TSPEAR: variants seen among roughly 807,000 people sequenced by gnomAD.
TSPEAR encodes thrombospondin type laminin G domain and EAR repeats, also known as thrombospondin-type laminin G domain and EAR repeat-containing protein.
A neutral mutation model predicts 71.6 loss-of-function variants in TSPEAR; 69 were observed. The ratio of observed to expected loss-of-function variants is 0.96; its 90% confidence interval spans 0.79 to 1.18. TSPEAR has a LOEUF of 1.18. Among genes scored for constraint, TSPEAR ranks in the 50% most tolerant of loss-of-function variants. TSPEAR has a pLI of 0.00. For missense variants in TSPEAR, 971 were observed against 894.9 expected (o/e 1.09, Z -1.09); for synonymous variants, 402 against 387.2 (o/e 1.04, Z -0.45).
chr21:44,588,440 A>C (rs1217396974), intron 1 of TSPEAR, among the ~76,000 whole-genome samples: 1 of 152,152 alleles, frequency 6.6e-6, no homozygotes, highest in African/African-American at 2.4e-5. Flanking sequence ...AATGTAAACT[A>C]GTACAACCAC....
intron 1 of TSPEAR, among the ~76,000 whole-genome samples, chr21:44,639,628 G>C (rs1360366343): frequency 6.6e-6 from 1 of 152,212 alleles, no homozygotes; most frequent in Non-Finnish European, 1.5e-5. Flanking sequence ...CCGGTTTTTG[G>C]GGCAGCTGGC....
At chr21:44,646,357 G>A (rs2248350) in intron 1 of TSPEAR, 317,349 of 1,479,920 alleles carry the variant, frequency 0.21, 36,434 homozygotes, top group Admixed American at 0.31. Context: ...GCCAGGGAGG[G>A]ATTTAAAAGC....
Position 44,617,257 on chromosome 21 carries a change from C to A in TSPEAR, c.83-49252G>T, listed in dbSNP as rs144819928. On this transcript the variant is annotated intron_variant, in intron 1 of 11. Coordinates refer to ENST00000323084, the MANE Select transcript of TSPEAR (RefSeq NM_144991.3). ...GACACTTGGGCTCCAGCTGTCCCAG[C>A]GCTCAGGGAGTTCTACTCAGGGACA... 8.7e-3 allele frequency among the ~76,000 whole-genome samples: 1,318 copies of A among 152,354 alleles called. 20 individuals are homozygous for A. Among genetic ancestry groups the A allele is most frequent in the African/African-American group, 0.03 (1,248 of 41,580 alleles).
intron 1 of TSPEAR, chr21:44,678,002 G>C: frequency 1.0e-6 from 1 of 974,766 alleles, no homozygotes. Context: ...CGGCGGCATG[G>C]TCACAGTGGA....
At chr21:44,615,842 T>C (rs1555932359) in intron 1 of TSPEAR, among the ~76,000 whole-genome samples, 1 of 152,224 alleles carries the variant, frequency 6.6e-6, no homozygotes, top group Non-Finnish European at 1.5e-5. Flanking sequence ...GGTTCTCGTC[T>C]CATTTAACCC....
chr21:44,513,682 G>A (rs2052466723), intron 9 of TSPEAR, among the ~76,000 whole-genome samples: 2 of 152,208 alleles, frequency 1.3e-5, no homozygotes, highest in African/African-American at 4.8e-5. Flanking sequence ...GGTAATCAGT[G>A]GATTAGTTGC....
At chr21:44,573,288 A>C (rs1978290730) in intron 1 of TSPEAR, among the ~76,000 whole-genome samples, 1 of 151,848 alleles carries the variant, frequency 6.6e-6, no homozygotes, top group Non-Finnish European at 1.5e-5. Flanking sequence ...ACCCGTAGGC[A>C]CCCACTCCCC....
intron 1 of TSPEAR, chr21:44,698,180 C>T (rs1375360861): frequency 3.3e-6 from 2 of 601,534 alleles, no homozygotes; most frequent in Admixed American, 5.9e-5. Flanking sequence ...CATTCCAGGC[C>T]CCTGTGGTCT....
chr21:44,585,625 G>T (rs924513673), intron 1 of TSPEAR, among the ~76,000 whole-genome samples: 2 of 152,102 alleles, frequency 1.3e-5, no homozygotes, highest in Non-Finnish European at 2.9e-5. Context: ...CATGGTGTCA[G>T]CTCTTCTGCC....
chr21:44,654,592 G>C, intron 1 of TSPEAR: 1 of 1,587,412 alleles, frequency 6.3e-7, no homozygotes, highest in Non-Finnish European at 8.6e-7. Context: ...TGGGCAGCCC[G>C]AAGAGTGGCT....
intron 1 of TSPEAR, among the ~76,000 whole-genome samples, chr21:44,578,348 G>C (rs118129547): frequency 6.6e-6 from 1 of 152,180 alleles, no homozygotes; most frequent in Admixed American, 6.5e-5. Context: ...AGAAGAAATA[G>C]AAAATCGGAA....
At chr21:44,666,813 C>G (rs1458831789) in intron 1 of TSPEAR, 18 of 1,610,456 alleles carry the variant, frequency 1.1e-5, no homozygotes, top group Non-Finnish European at 1.4e-5. Context: ...GCTGGGCACA[C>G]AACAGGCTGG....
At chr21:44,699,090 C>G (rs113561844) in intron 1 of TSPEAR, among the ~76,000 whole-genome samples, 1 of 151,962 alleles carries the variant, frequency 6.6e-6, no homozygotes, top group African/African-American at 2.4e-5. Flanking sequence ...ACCACCTACC[C>G]GGGAAGCGGA....
chr21:44,567,960 C>A lies in TSPEAR; in HGVS notation c.128G>T (p.Gly43Val). 1 of 1,566,230 alleles carries A rather than the reference C, an allele frequency of 6.4e-7. No homozygotes were observed. ...AACTATCCTGATCCCGCTTGTGGCG[C>A]CATCAGAAGGGACCACTTCCGCCAG... ...DILAEVVPSDGATSGIRIVQV... is the reference protein window; with the variant it reads ...DILAEVVPSDVATSGIRIVQV... The change falls in exon 2 of 12, where the codon GGC (glycine) becomes GTC (valine). Residue 43 changes from glycine to valine, a missense_variant. Gly to Val is a moderately radical substitution (Grantham distance 109). Transcript: ENST00000323084.
intron 7 of TSPEAR, 111 bp from the exon 8 acceptor site, chr21:44,525,950 G>T: frequency 1.8e-6 from 2 of 1,119,840 alleles, no homozygotes; most frequent in Non-Finnish European, 2.6e-6. Context: ...CGGCTGCTAC[G>T]TGGTGCAGGG....
At chr21:44,617,539 A>G (rs113067497) in intron 1 of TSPEAR, among the ~76,000 whole-genome samples, 189 of 152,332 alleles carry the variant, frequency 1.2e-3, no homozygotes, top group African/African-American at 3.9e-3. Flanking sequence ...TTCAAACAGG[A>G]TTGAGCAACA....
At chr21:44,708,393 G>A (rs895495970) in intron 1 of TSPEAR, among the ~76,000 whole-genome samples, 3 of 152,218 alleles carry the variant, frequency 2.0e-5, no homozygotes, top group Middle Eastern at 3.4e-3. Context: ...CAAGGACCAG[G>A]ACTCCCCAGC....
At chr21:44,603,028 G>A (rs75966350) in intron 1 of TSPEAR, among the ~76,000 whole-genome samples, 6,501 of 149,590 alleles carry the variant, frequency 0.043, 340 homozygotes, top group African/African-American at 0.12. Context: ...ATTTCTGGTA[G>A]TGCTTCCTTT....
chr21:44,661,957 G>A (rs59253048), intron 1 of TSPEAR, among the ~76,000 whole-genome samples: 4,318 of 152,092 alleles, frequency 0.028, 183 homozygotes, highest in African/African-American at 0.083. Context: ...AGATTTGGGC[G>A]GGGACACAAA....
Sources: allele counts gnomAD v4.1 joint callset (sites outside exome capture counted in the v4.1 genomes callset), GRCh38; gene constraint gnomAD v4.1.1; transcripts MANE v1.5; gene names NCBI Gene and HGNC (gene_info 2026-07-23, HGNC 2026-07-21).